The following FOXJ2 variants were observed in gnomAD, a reference collection of about 807,000 sequenced individuals.
FOXJ2 encodes the protein forkhead box J2.
In FOXJ2, 18 loss-of-function variants were observed where a neutral mutation model predicts 68.4. That is an observed-to-expected ratio of 0.26 (90% confidence interval 0.18 to 0.39). FOXJ2 has a LOEUF of 0.39. Among genes scored for constraint, FOXJ2 ranks in the 10% least tolerant of loss-of-function variants. FOXJ2 has a pLI of 1.00. For synonymous variants in FOXJ2, 274 were observed against 263.2 expected, an observed-to-expected ratio of 1.04 and a Z score of -0.40; for missense variants, 670 against 726.5, an observed-to-expected ratio of 0.92 and a Z score of 0.89.
intron 10 of FOXJ2, among the ~76,000 whole-genome samples, chr12:8,051,220 C>T (rs1308678689): frequency 1.3e-5 from 2 of 150,744 alleles, no homozygotes; most frequent in African/African-American, 4.9e-5. Flanking sequence ...ACCTCCACCT[C>T]CTGGGTTGAA....
rs1269801480 is a variant in FOXJ2, at chr12:8,033,000, G to A, written c.-848G>A. ...CCACCCTCTGGGGCACCCCGGGAGC[G>A]GAGGCGGGAGCGGGGACGCGAGCAA... On this transcript the variant is annotated 5_prime_UTR_variant, in exon 1 of 11. Coordinates refer to ENST00000162391, the MANE Select transcript of FOXJ2 (RefSeq NM_018416.3). The surrounding 1 kb of genome is among the most constrained non-coding windows in gnomAD (Gnocchi z 4.8). 5.0e-6 allele frequency: 2 copies of A among 396,476 alleles called. No individual in the cohort carries two copies. Among genetic ancestry groups the A allele is most frequent in the Admixed American group, 4.4e-5 (1 of 22,634 alleles). The allele number at this position is 396,476 out of a possible 1,614,324, so 24.6% of individuals were successfully genotyped here.
In FOXJ2 at chr12:8,048,796, C is replaced by T. The variant is rs1231931676; in HGVS notation, c.1325C>T (p.Ser442Leu). The T allele has an allele frequency of 1.9e-6, 3 of 1,613,350 alleles. No homozygotes were observed. The highest frequency in any genetic ancestry group is 2.2e-5 in the East Asian group (1 of 44,886). ...TCCAGCATTGAGCAGTCACAATTCT[C>T]AGGTTAGTGATCAAAGGACGAAGGA... is the stretch of plus-strand genomic sequence containing the variant. ...NWSSIEQSQFSELMESLRQAE... is the reference protein window; with the variant it reads ...NWSSIEQSQFLELMESLRQAE... The change falls in exon 8 of 11, where the codon TCA (serine) becomes TTA (leucine). Residue 442 changes from serine (S) to leucine (L), a missense_variant and splice_region_variant. By Grantham distance (145) the Ser-to-Leu change is moderately radical. Around this residue, in one of 2 missense-constraint regions of FOXJ2, gnomAD observed 555 missense variants for 562.2 expected, o/e 0.99. Transcript: ENST00000162391.
intron 8 of FOXJ2, among the ~76,000 whole-genome samples, chr12:8,049,068 A>C (rs1268229133): frequency 2.0e-5 from 3 of 152,202 alleles, no homozygotes; most frequent in Non-Finnish European, 2.9e-5. Flanking sequence ...ACCGTGGACC[A>C]CGATTTTGTA....
chr12:8,033,173 G>A lies in FOXJ2; in HGVS notation c.-675G>A. 6.6e-6 allele frequency: 2 copies of A among 300,992 alleles called. No individual in the cohort carries two copies. Among genetic ancestry groups the A allele is most frequent in the East Asian group, 5.3e-5 (1 of 18,874 alleles). 18.6% of individuals were successfully genotyped at this position (300,992 alleles called of 1,614,324 possible). A position where few individuals can be genotyped will look rare whatever the true frequency, so the allele number is the denominator to read the frequency against. On this transcript the variant is annotated 5_prime_UTR_variant, in exon 1 of 11. Transcript: ENST00000162391. ...GACCCCCAGAAGTGGAAAGAAGGGA[G>A]CTTTCCGTAGGGAAGCAGAGTGAGA...
chr12:8,047,043 C>G (rs775726780), intron 6 of FOXJ2, among the ~76,000 whole-genome samples: 1 of 152,270 alleles, frequency 6.6e-6, no homozygotes, highest in African/African-American at 2.4e-5. Context: ...TAGTCTCAGA[C>G]TTTTGTTCTT....
chr12:8,046,574 G>A (rs1048993111), intron 6 of FOXJ2, among the ~76,000 whole-genome samples: 1 of 152,158 alleles, frequency 6.6e-6, no homozygotes, highest in African/African-American at 2.4e-5. Flanking sequence ...TCTTGTCCGT[G>A]CACATTTTCC....
chr12:8,043,636 C>G (rs1282367828), intron 3 of FOXJ2, 65 bp from the exon 4 acceptor site: 3 of 1,533,626 alleles, frequency 2.0e-6, no homozygotes, highest in East Asian at 2.2e-5. Flanking sequence ...TCATTAATAC[C>G]CAGAACCCTG....
intron 5 of FOXJ2, 121 bp from the exon 6 acceptor site, chr12:8,044,638 TG>T: frequency 1.1e-6 from 1 of 908,276 alleles, no homozygotes; most frequent in Non-Finnish European, 1.7e-6. Context: ...AAAATGATGC[TG>T]GGTCATTGAA....
chr12:8,044,941 C>G lies in FOXJ2; in HGVS notation c.800C>G (p.Ser267Cys), dbSNP rs781131279. 1 of 1,614,250 alleles carries G rather than the reference C, an allele frequency of 6.2e-7. No homozygotes were observed. The highest frequency in any genetic ancestry group is 8.5e-7 in the Non-Finnish European group (1 of 1,180,038). The stretch of plus-strand genomic sequence containing the variant: ...TATAAGTCCATGCTGGAGAAGTCCT[C>G]TTCCTCCTCTCAGCACGGTGAGTCT... ...NLYKSMLEKS[S>C]SSSQHGFSSL... Residue 267 changes from serine to cysteine, a missense_variant, in exon 6 of 11, where the codon TCT (serine) becomes TGT (cysteine). Ser to Cys is a moderately radical substitution (Grantham distance 112). Around this residue, in one of 2 missense-constraint regions of FOXJ2, gnomAD observed 555 missense variants for 562.2 expected, o/e 0.99. Transcript: ENST00000162391.
chr12:8,050,700 C>A, intron 10 of FOXJ2, 80 bp downstream of exon 10: 1 of 1,532,264 alleles, frequency 6.5e-7, no homozygotes. Context: ...AGCTGGCATT[C>A]TGTGCATTTT....
In FOXJ2 at chr12:8,040,187, TGGC is replaced by T. The variant is rs552576369; in HGVS notation, c.333+23_333+25del. ...GAAGGTGGGAATGCTTCTATAATCT[TGGC>T]TTAGGTTTAGGCTTCAACAGCCTTT... On this transcript the variant is annotated intron_variant, in intron 2 of 10. Coordinates refer to ENST00000162391, the MANE Select transcript of FOXJ2 (RefSeq NM_018416.3). This position sits in a 1 kb window ranked among gnomAD's most constrained non-coding sequence, Gnocchi z 4.0. 2.4e-4 allele frequency: 383 copies of T among 1,610,346 alleles called. 4 individuals are homozygous for T. In the South Asian group the frequency reaches 3.5e-3, roughly 15 times the overall value.
In FOXJ2 at chr12:8,049,352, C is replaced by T. The variant is rs370345617; in HGVS notation, c.1328-10C>T. ...TGCAAGGTTTGCATTGCTTGCTTCC[C>T]TCTTTGTAGAACTGATGGAGAGTCT... On this transcript the variant is annotated splice_polypyrimidine_tract_variant and intron_variant, in intron 8 of 10. Coordinates refer to ENST00000162391, the MANE Select transcript of FOXJ2 (RefSeq NM_018416.3). The T allele has an allele frequency of 8.8e-6, 14 of 1,599,202 alleles. No individual in the cohort carries two copies. Among genetic ancestry groups the T allele is most frequent in the Middle Eastern group, 3.3e-4 (2 of 5,998 alleles).
At chr12:8,043,231 A>G (rs1946988823) in intron 3 of FOXJ2, among the ~76,000 whole-genome samples, 1 of 151,728 alleles carries the variant, frequency 6.6e-6, no homozygotes, top group Non-Finnish European at 1.5e-5. Flanking sequence ...AAAAAAAAAA[A>G]AAAAAAAGAC....
chr12:8,044,024 C>T lies in FOXJ2; in HGVS notation c.551C>T (p.Ser184Leu). Residue 184 changes from serine to leucine, a missense_variant, in exon 5 of 11, where the codon TCA becomes TTA. Around this residue, in one of 2 missense-constraint regions of FOXJ2, gnomAD observed 555 missense variants for 562.2 expected, o/e 0.99. Coordinates refer to ENST00000162391, the MANE Select transcript of FOXJ2 (RefSeq NM_018416.3). ...RGGVAGSGEASLPPEGNPQMS... is the reference protein window; with the variant it reads ...RGGVAGSGEALLPPEGNPQMS... ...GGCGTTGCAGGGAGTGGAGAAGCCTCACTGCCTCCTGAGGGGAATCCGCAG... is the reference window on the plus strand; with the variant it reads ...GGCGTTGCAGGGAGTGGAGAAGCCTTACTGCCTCCTGAGGGGAATCCGCAG... 2.5e-6 allele frequency: 4 copies of T among 1,589,722 alleles called. No individual in the cohort carries two copies. The highest frequency in any genetic ancestry group is 3.4e-6 in the Non-Finnish European group (4 of 1,169,404).
chr12:8,044,788 T>TGGCA lies in FOXJ2; in HGVS notation c.649_652dup (p.Ala218GlyfsTer11). The stretch of plus-strand genomic sequence containing the variant: ...ACAGGATCTGTGGATGGTGGAGCAG[T>TGGCA]GGCAGCAGGGGCTTCAGGCCGAGAA... On this transcript the variant is annotated frameshift_variant, in exon 6 of 11. Transcript: ENST00000162391. LOFTEE classifies it high-confidence loss of function. 6.2e-7 allele frequency: 1 copy of TGGCA among 1,613,938 alleles called. No individual in the cohort carries two copies. Among genetic ancestry groups the TGGCA allele is most frequent in the Non-Finnish European group, 8.5e-7 (1 of 1,179,856 alleles).
intron 1 of FOXJ2, among the ~76,000 whole-genome samples, chr12:8,036,030 T>C (rs1946890572): frequency 6.6e-6 from 1 of 152,266 alleles, no homozygotes; most frequent in South Asian, 2.1e-4. Flanking sequence ...AGTTTGCTAA[T>C]TTTTAATTTC....
Position 8,049,396 on chromosome 12 carries a change from G to A in FOXJ2, c.1362G>A (p.Lys454=), listed in dbSNP as rs771365553. 1 of 1,613,976 alleles carries A rather than the reference G, an allele frequency of 6.2e-7. No homozygotes were observed. The highest frequency in any genetic ancestry group is 2.2e-5 in the East Asian group (1 of 44,878). The change falls in exon 9 of 11, where the codon AAG becomes AAA. Residue 454 remains lysine (K), a synonymous_variant. Transcript: ENST00000162391. ...AGAGTCTACGACAGGCAGAGCAGAA[G>A]AACTGGACCCTCGACCAGCATCACA... ...LMESLRQAEQ[K]NWTLDQHHIA...
intron 2 of FOXJ2, among the ~76,000 whole-genome samples, chr12:8,042,432 A>G (rs963746766): frequency 2.6e-5 from 4 of 152,220 alleles, no homozygotes; most frequent in African/African-American, 4.8e-5. Context: ...AATCAAATTT[A>G]TAGCCATTCC....
At chr12:8,052,386 T>C (rs1004752523) in intron 10 of FOXJ2, among the ~76,000 whole-genome samples, 9 of 151,994 alleles carry the variant, frequency 5.9e-5, no homozygotes, top group African/African-American at 2.2e-4. Context: ...ACCCAGCTAA[T>C]TTTTTGAGTT....
Sources: gnomAD v4.1 joint callset for allele counts (sites outside exome capture counted in the v4.1 genomes callset) on GRCh38, gnomAD v4.1.1 for gene constraint, gnomAD v4.1.1 regional missense constraint, Gnocchi (gnomAD v3.1) non-coding constraint, MANE v1.5 for transcripts, NCBI Gene and HGNC (gene_info 2026-07-23, HGNC 2026-07-21) for gene names.